Variants in EEA1 observed in about 807,000 individuals in gnomAD.
EEA1 encodes early endosome antigen 1, also known as early endosome antigen 1, 162kD.
EEA1 carries 111 observed loss-of-function variants against 209.2 expected under a neutral mutation model. That is an observed-to-expected ratio of 0.53 (90% CI 0.45 to 0.62). EEA1 has a LOEUF of 0.62. Among genes scored for constraint, EEA1 ranks in the 20% least tolerant of loss-of-function variants. The pLI is 0.00. For synonymous variants in EEA1, 536 were observed against 540.6 expected (o/e 0.99, Z 0.12); for missense variants, 1,343 against 1,530.8 (o/e 0.88, Z 2.05).
chr12:92,777,216 T>C (rs1362674434), intron 27 of EEA1, among the ~76,000 whole-genome samples: 1 of 151,886 alleles, frequency 6.6e-6, no homozygotes, highest in East Asian at 1.9e-4. Flanking sequence ...AATGATGAAT[T>C]TTCCCTGGTG....
chr12:92,807,111 C>A (rs1875248913), intron 18 of EEA1, among the ~76,000 whole-genome samples: 1 of 151,964 alleles, frequency 6.6e-6, no homozygotes, highest in Non-Finnish European at 1.5e-5. Flanking sequence ...GTGCCACCAT[C>A]CCCTGCTGAT....
chr12:92,816,066 G>C (rs1875768500), intron 15 of EEA1, 134 bp downstream of exon 15: 1 of 744,174 alleles, frequency 1.3e-6, no homozygotes, highest in African/African-American at 1.8e-5. Flanking sequence ...AAATTATCTA[G>C]ATATAGCCTT....
chr12:92,877,795 G>A (rs138459983), intron 2 of EEA1, among the ~76,000 whole-genome samples: 4 of 152,324 alleles, frequency 2.6e-5, no homozygotes, highest in African/African-American at 4.8e-5. Flanking sequence ...GAGCCACCAC[G>A]CCTGGCCTAA....
At chr12:92,899,364 G>C (rs1400962502) in intron 1 of EEA1, among the ~76,000 whole-genome samples, 1 of 152,240 alleles carries the variant, frequency 6.6e-6, no homozygotes, top group Non-Finnish European at 1.5e-5. Flanking sequence ...AGGCTTTAGA[G>C]AGGCTGCACT....
chr12:92,813,583 A>G (rs1875628412), intron 15 of EEA1, among the ~76,000 whole-genome samples: 1 of 152,194 alleles, frequency 6.6e-6, no homozygotes, highest in Non-Finnish European at 1.5e-5. Flanking sequence ...TTATTTTTGA[A>G]GCTCACAGTC....
In EEA1 at chr12:92,779,116, A is replaced by C. The variant is rs556877930; in HGVS notation, c.3653T>G (p.Leu1218Trp). 125 of 1,596,842 alleles carry C rather than the reference A, an allele frequency of 7.8e-5. No homozygotes were observed. The South Asian group carries it at 1.2e-3, about 16-fold the overall frequency. Residue 1218 changes from leucine (L) to tryptophan (W), a missense_variant and splice_region_variant, in exon 25 of 29, where the codon TTG becomes TGG. This residue lies in a region of EEA1 where 1,307 missense variants were observed against 1,465.5 expected (regional missense o/e 0.89). Transcript: ENST00000322349. Reference sequence around the variant, plus strand: ...ACTTCCCCCGATTAACTCACTGACCAACTTAGCTTCTTTCTCAATAAATTC... The same window carrying C: ...ACTTCCCCCGATTAACTCACTGACCCACTTAGCTTCTTTCTCAATAAATTC... ...KKEFIEKEAKLHSEIKEKEVG... is the reference protein window; with the variant it reads ...KKEFIEKEAKWHSEIKEKEVG...
At chr12:92,817,734 G>A (rs145782344) in intron 14 of EEA1, among the ~76,000 whole-genome samples, 8 of 152,092 alleles carry the variant, frequency 5.3e-5, no homozygotes, top group African/African-American at 1.2e-4. Flanking sequence ...GACCACTCTC[G>A]ATTTTGTTGT....
chr12:92,805,667 A>T (rs12311860), intron 18 of EEA1, among the ~76,000 whole-genome samples: 203 of 152,298 alleles, frequency 1.3e-3, no homozygotes, highest in African/African-American at 4.8e-3. Context: ...TGAAGATCTC[A>T]TCATGGCAGG....
chr12:92,908,317 T>C (rs572484976), intron 1 of EEA1, among the ~76,000 whole-genome samples: 2 of 152,282 alleles, frequency 1.3e-5, no homozygotes, highest in African/African-American at 4.8e-5. Flanking sequence ...TTACAGTGGG[T>C]TCAGGGGAGG....
chr12:92,858,099 G>A lies in EEA1; in HGVS notation c.246-614C>T. Reference sequence around the variant, plus strand: ...CACCAACATGAACGGGAGCTCAACAGCTTCCACTAGGTGTTCATTGAGAAG... The same window carrying A: ...CACCAACATGAACGGGAGCTCAACAACTTCCACTAGGTGTTCATTGAGAAG... On this transcript the variant is annotated intron_variant, in intron 3 of 28. Coordinates refer to ENST00000322349, the MANE Select transcript of EEA1 (RefSeq NM_003566.4). The A allele has an allele frequency of 5.9e-6, 3 of 504,906 alleles. No homozygotes were observed. In the Admixed American group the frequency reaches 9.2e-5, roughly 15 times the overall value. 31.3% of individuals were successfully genotyped at this position (504,906 alleles called of 1,614,324 possible). A position where few individuals can be genotyped will look rare whatever the true frequency, so the allele number is the denominator to read the frequency against.
intron 28 of EEA1, among the ~76,000 whole-genome samples, chr12:92,776,347 C>T (rs1160880618): frequency 6.6e-6 from 1 of 151,734 alleles, no homozygotes; most frequent in Non-Finnish European, 1.5e-5. Context: ...AAACATTTTA[C>T]ATAGAATTTA....
At position 92,813,040 on chromosome 12, in the gene EEA1, T is replaced by C; in HGVS notation, c.1983A>G (p.Gln661=). Residue 661 remains glutamine (Q), a synonymous_variant, in exon 16 of 29, where the codon CAA becomes CAG. Coordinates refer to ENST00000322349, the MANE Select transcript of EEA1 (RefSeq NM_003566.4). ...LLSAEAAKTA[Q]RADLQNHLDT... ...CCAAATGATTCTGAAGATCAGCTCT[T>C]TGAGCAGTTTTTGCTGCTTCTGCTG... is the stretch of plus-strand genomic sequence containing the variant. 6.2e-7 allele frequency: 1 copy of C among 1,600,958 alleles called. No individual in the cohort carries two copies. Among genetic ancestry groups the C allele is most frequent in the Non-Finnish European group, 8.5e-7 (1 of 1,170,788 alleles).
In EEA1 at chr12:92,793,529, C is replaced by A. The variant is rs560941749; in HGVS notation, c.2967+5363G>T. Among the ~76,000 whole-genome samples, 5 of 152,244 alleles carry A rather than the reference C, an allele frequency of 3.3e-5. No individual in the cohort carries two copies. The East Asian group carries it at 9.6e-4, about 29-fold the overall frequency. On this transcript the variant is annotated intron_variant, in intron 21 of 28. Transcript: ENST00000322349. Reference sequence around the variant, plus strand: ...CAAATCATGAGTGAACTCCCATTCACAATTGCTACAAAGAGAATAAAATAC... The same window carrying A: ...CAAATCATGAGTGAACTCCCATTCAAAATTGCTACAAAGAGAATAAAATAC...
intron 2 of EEA1, among the ~76,000 whole-genome samples, chr12:92,867,680 GT>G (rs1402464479): frequency 1.3e-5 from 2 of 152,182 alleles, no homozygotes; most frequent in Non-Finnish European, 2.9e-5. Flanking sequence ...ATACTGATAT[GT>G]AGACAAATAT....
intron 9 of EEA1, among the ~76,000 whole-genome samples, chr12:92,847,865 C>T (rs540802841): frequency 3.2e-4 from 49 of 152,170 alleles, no homozygotes; most frequent in African/African-American, 9.9e-4. Flanking sequence ...AATGCGACCA[C>T]GTTTTAAGTG....
chr12:92,788,043 G>A lies in EEA1; in HGVS notation c.2974C>T (p.Leu992Phe), dbSNP rs1447246410. 6.3e-7 allele frequency: 1 copy of A among 1,596,634 alleles called. No homozygotes were observed. Among genetic ancestry groups the A allele is most frequent in the Non-Finnish European group, 8.5e-7 (1 of 1,173,018 alleles). ...LKIAVLQKTE[L>F]ENKLQQQLTQ... ...AACTGCTGCTGTAGTTTATTCTCAA[G>A]CTCTGTCTGAAACATACAATAGTTA... Residue 992 changes from leucine to phenylalanine, a missense_variant, in exon 22 of 29, where the codon CTT becomes TTT. Physicochemically the swap from Leu to Phe is conservative, Grantham distance 22. Coordinates refer to ENST00000322349, the MANE Select transcript of EEA1 (RefSeq NM_003566.4).
chr12:92,886,749 A>C lies in EEA1; in HGVS notation c.117+4880T>G, dbSNP rs185544976. ...CACGGTGGCTCACGCCTGTAATCCC[A>C]ACACTTTGGGAGGCCGAAGCGGGCG... On this transcript the variant is annotated intron_variant, in intron 2 of 28. Coordinates refer to ENST00000322349, the MANE Select transcript of EEA1 (RefSeq NM_003566.4). 7.2e-3 allele frequency among the ~76,000 whole-genome samples: 1,099 copies of C among 152,296 alleles called. 6 individuals carry two copies. Among genetic ancestry groups the C allele is most frequent in the Middle Eastern group, 0.014 (4 of 294 alleles).
chr12:92,923,863 A>G (rs1881108368), intron 1 of EEA1, among the ~76,000 whole-genome samples: 2 of 150,352 alleles, frequency 1.3e-5, no homozygotes, highest in African/African-American at 4.9e-5. Context: ...AAAAAAAAAA[A>G]TGGAGATTAG....
Position 92,774,989 on chromosome 12 carries a change from A to T in EEA1, c.*1022T>A, listed in dbSNP as rs185939041. ...ACTAGCTTTAAGATGCAAAATTATA[A>T]AACAAATACATGAAGCTGATCTATG... On this transcript the variant is annotated 3_prime_UTR_variant, in exon 29 of 29. Coordinates refer to ENST00000322349, the MANE Select transcript of EEA1 (RefSeq NM_003566.4). 3.1e-3 allele frequency: 469 copies of T among 151,882 alleles called. No homozygotes were observed. Among genetic ancestry groups the T allele is most frequent in the African/African-American group, 0.011 (439 of 41,542 alleles). The allele number at this position is 151,882 out of a possible 1,614,324, so 9.4% of individuals were successfully genotyped here. A position where few individuals can be genotyped will look rare whatever the true frequency, so the allele number is the denominator to read the frequency against.
Sources: allele counts gnomAD v4.1 joint callset (sites outside exome capture counted in the v4.1 genomes callset), GRCh38; gene constraint gnomAD v4.1.1; regional missense constraint gnomAD v4.1.1; transcripts MANE v1.5; gene names NCBI Gene and HGNC (gene_info 2026-07-23, HGNC 2026-07-21).